The following GRM5 variants were observed in gnomAD, a reference collection of about 807,000 sequenced individuals.
The protein encoded by GRM5 is metabotropic glutamate receptor 5.
GRM5 carries 19 observed loss-of-function variants against 83.1 expected under a neutral mutation model. That is an observed-to-expected ratio of 0.23 (90% CI 0.16 to 0.34). GRM5 has a LOEUF of 0.34. GRM5 is among the 10% of genes least tolerant of loss of function. The pLI is 1.00. For missense variants in GRM5, 1,160 were observed against 1,588.3 expected (o/e 0.73, Z 4.58); for synonymous variants, 675 against 633.6 (o/e 1.07, Z -0.98).
intron 3 of GRM5, among the ~76,000 whole-genome samples, chr11:88,723,430 T>A (rs1375594852): frequency 6.6e-6 from 1 of 152,134 alleles, no homozygotes; most frequent in Non-Finnish European, 1.5e-5. Context: ...GGTAAGAGTA[T>A]GTTTTGTTAT....
chr11:88,785,671 C>T (rs1414915746), intron 3 of GRM5, among the ~76,000 whole-genome samples: 1 of 152,066 alleles, frequency 6.6e-6, no homozygotes, highest in Non-Finnish European at 1.5e-5. Context: ...GTCATTTCTA[C>T]TACAGGTATT....
chr11:88,694,528 C>T (rs1297420048), intron 3 of GRM5, among the ~76,000 whole-genome samples: 1 of 149,142 alleles, frequency 6.7e-6, no homozygotes, highest in Non-Finnish European at 1.5e-5. Flanking sequence ...AACTTCATTT[C>T]CAGCTCCATC....
chr11:88,593,786 T>C (rs137951384), intron 6 of GRM5, among the ~76,000 whole-genome samples: 4 of 74,626 alleles, frequency 5.4e-5, no homozygotes, highest in Non-Finnish European at 7.4e-5. Context: ...CTCTCTCTCT[T>C]TCTCTCTTTT....
chr11:88,699,197 T>C, intron 3 of GRM5, among the ~76,000 whole-genome samples: 1 of 152,210 alleles, frequency 6.6e-6, no homozygotes, highest in East Asian at 1.9e-4. Flanking sequence ...ATTCACATTC[T>C]TTACATGGGT....
chr11:88,937,128 A>T (rs1937926699), intron 2 of GRM5, among the ~76,000 whole-genome samples: 1 of 151,724 alleles, frequency 6.6e-6, no homozygotes, highest in Non-Finnish European at 1.5e-5. Flanking sequence ...TGAGTCTGGA[A>T]TCTTTAAGAA....
At chr11:88,891,980 AG>A (rs1201134495) in intron 2 of GRM5, among the ~76,000 whole-genome samples, 1 of 152,048 alleles carries the variant, frequency 6.6e-6, no homozygotes, top group Non-Finnish European at 1.5e-5. Context: ...TTCAGAGTCA[AG>A]GAAACTTATT....
intron 2 of GRM5, among the ~76,000 whole-genome samples, chr11:89,035,364 C>G (rs1333790777): frequency 6.6e-6 from 1 of 151,712 alleles, no homozygotes; most frequent in African/African-American, 2.4e-5. Context: ...ATATGTAATT[C>G]AGTAATATAT....
chr11:88,557,793 T>A (rs1245364849), intron 8 of GRM5, among the ~76,000 whole-genome samples: 1 of 151,648 alleles, frequency 6.6e-6, no homozygotes, highest in Non-Finnish European at 1.5e-5. Context: ...GGGGTACATG[T>A]GCAGAACATG....
chr11:88,964,509 A>G (rs1938886761), intron 2 of GRM5, among the ~76,000 whole-genome samples: 1 of 152,186 alleles, frequency 6.6e-6, no homozygotes, highest in Non-Finnish European at 1.5e-5. Context: ...TATTGAGCCC[A>G]TCTGAGTGCT....
rs1393974893 is a variant in GRM5 at position 88,884,717 on chromosome 11, T to C, written c.662-34562A>G. Among the ~76,000 whole-genome samples the C allele has an allele frequency of 3.3e-5, 5 of 152,290 alleles. 1 individual carries two copies. In the South Asian group the frequency reaches 1.0e-3, roughly 32 times the overall value. On this transcript the variant is annotated intron_variant, in intron 2 of 9. Transcript: ENST00000305447. ...TGATGAGGGTGGGTCTTCCCTATGC[T>C]ATTCTTGCGGTAGTGAATAAATCTT...
rs1263717695 is a variant in GRM5, at chr11:88,915,038, C to T, written c.662-64883G>A. The stretch of plus-strand genomic sequence containing the variant: ...TTAATGGTTTTGTTAGTAACTTTTA[C>T]AAAAACAAAAAGGTCACATTTTCCA... On this transcript the variant is annotated intron_variant, in intron 2 of 9. Coordinates refer to ENST00000305447, the MANE Select transcript of GRM5 (RefSeq NM_001143831.3). 2.6e-5 allele frequency among the ~76,000 whole-genome samples: 4 copies of T among 151,770 alleles called. No individual in the cohort carries two copies. The East Asian group carries it at 7.7e-4, about 29-fold the overall frequency.
At chr11:88,781,118 CATATATATGTATATATATATATATAT>C (rs1465659210) in intron 3 of GRM5, among the ~76,000 whole-genome samples, 1 of 59,094 alleles carries the variant, frequency 1.7e-5, no homozygotes, top group Non-Finnish European at 3.1e-5. Context: ...TATATATATA[CATATATATGTATATATATATATATAT>C]ATATGTATAT....
chr11:89,046,914 A>T (rs1941652914), intron 2 of GRM5, among the ~76,000 whole-genome samples: 1 of 152,234 alleles, frequency 6.6e-6, no homozygotes, highest in Non-Finnish European at 1.5e-5. Context: ...CTAGTAATGA[A>T]TATAAAAAAT....
At chr11:88,998,830 C>A (rs2135064483) in intron 2 of GRM5, among the ~76,000 whole-genome samples, 1 of 152,216 alleles carries the variant, frequency 6.6e-6, no homozygotes, top group South Asian at 2.1e-4. Flanking sequence ...CATTTACAAT[C>A]ACTAAAAAAT....
At chr11:88,766,940 A>T (rs1396280516) in intron 3 of GRM5, among the ~76,000 whole-genome samples, 2 of 152,012 alleles carry the variant, frequency 1.3e-5, no homozygotes, top group Non-Finnish European at 2.9e-5. Context: ...CAACTAGTAT[A>T]TGAGAATATC....
intron 2 of GRM5, among the ~76,000 whole-genome samples, chr11:88,972,305 T>G (rs1939189159): frequency 6.6e-6 from 1 of 152,126 alleles, no homozygotes; most frequent in Admixed American, 6.6e-5. Flanking sequence ...ATAAGTTCCC[T>G]CACCCTAAAA....
chr11:88,773,401 T>G (rs139314878), intron 3 of GRM5, among the ~76,000 whole-genome samples: 17,206 of 152,218 alleles, frequency 0.11, 2,132 homozygotes, highest in African/African-American at 0.31. Context: ...TTCTGTAGGT[T>G]GCCTGTTCAC....
At chr11:89,009,429 C>T (rs549298708) in intron 2 of GRM5, among the ~76,000 whole-genome samples, 4 of 152,054 alleles carry the variant, frequency 2.6e-5, no homozygotes, top group Non-Finnish European at 4.4e-5. Context: ...AAAATTAAAG[C>T]TCAGAGAAAC....
chr11:88,741,163 TAAC>T (rs1942019970), intron 3 of GRM5, among the ~76,000 whole-genome samples: 1 of 151,930 alleles, frequency 6.6e-6, no homozygotes, highest in Non-Finnish European at 1.5e-5. Flanking sequence ...ATGATGAAAA[TAAC>T]AAATATCAGC....
Sources: allele counts gnomAD v4.1 joint callset (sites outside exome capture counted in the v4.1 genomes callset), GRCh38; gene constraint gnomAD v4.1.1; transcripts MANE v1.5; gene names NCBI Gene and HGNC (gene_info 2026-07-23, HGNC 2026-07-21).